DLGAP4: variants seen among roughly 807,000 people sequenced by gnomAD.
DLGAP4 encodes disks large-associated protein 4.
Under a neutral mutation model 86.9 loss-of-function variants are expected in DLGAP4, and 18 were observed. The observed-to-expected ratio is 0.21, with a 90% CI of 0.14 to 0.31. DLGAP4 has a LOEUF of 0.31. Among genes scored for constraint, DLGAP4 ranks in the 10% least tolerant of loss-of-function variants. The pLI is 1.00. For missense variants in DLGAP4, 1,085 were observed against 1,362.6 expected, an observed-to-expected ratio of 0.80 and a Z score of 3.21; for synonymous variants, 548 against 574.3, an observed-to-expected ratio of 0.95 and a Z score of 0.65.
chr20:36,422,229 A>T (rs1262446847), intron 2 of DLGAP4, among the ~76,000 whole-genome samples: 1 of 152,134 alleles, frequency 6.6e-6, no homozygotes. Flanking sequence ...ATGGACTGCT[A>T]TGTACACCCC....
intron 2 of DLGAP4, among the ~76,000 whole-genome samples, chr20:36,408,711 G>A (rs1451958185): frequency 6.6e-6 from 1 of 152,158 alleles, no homozygotes; most frequent in Non-Finnish European, 1.5e-5. Context: ...AAAACTTTGA[G>A]GACTCCCAGG....
At chr20:36,420,876 G>C (rs1342464968) in intron 2 of DLGAP4, among the ~76,000 whole-genome samples, 1 of 152,140 alleles carries the variant, frequency 6.6e-6, no homozygotes, top group Non-Finnish European at 1.5e-5. Context: ...TGGAGGCTGA[G>C]GCAGGAGAAT....
chr20:36,517,325 C>T (rs73618591), intron 10 of DLGAP4, among the ~76,000 whole-genome samples: 4,301 of 152,214 alleles, frequency 0.028, 78 homozygotes, highest in South Asian at 0.057. Flanking sequence ...TTGCAGTGAG[C>T]TGAGATTGCG....
chr20:36,367,588 A>G (rs1040821410), intron 2 of DLGAP4, among the ~76,000 whole-genome samples: 1 of 152,182 alleles, frequency 6.6e-6, no homozygotes, highest in Non-Finnish European at 1.5e-5. Context: ...GCCACACCCA[A>G]GCAGGCGGGG....
chr20:36,500,237 A>G lies in DLGAP4; in HGVS notation c.2138A>G (p.Asp713Gly). 4 of 1,581,906 alleles carry G rather than the reference A, an allele frequency of 2.5e-6. No individual in the cohort carries two copies. The highest frequency in any genetic ancestry group is 3.4e-6 in the Non-Finnish European group (4 of 1,165,258). The change falls in exon 10 of 13, where the codon GAC becomes GGC. Residue 713 changes from aspartate to glycine, a missense_variant. Around this residue, in one of 2 missense-constraint regions of DLGAP4, gnomAD observed 1,082 missense variants for 1,344.1 expected, o/e 0.81. Transcript: ENST00000339266. The surrounding 1 kb of genome is among the most constrained non-coding windows in gnomAD (Gnocchi z 4.6). ...TCTCACAGTATGTCCTCCCGACGGGACACAGACTCGGATACCCAGGATGCC... is the reference window on the plus strand; with the variant it reads ...TCTCACAGTATGTCCTCCCGACGGGGCACAGACTCGGATACCCAGGATGCC... ...VPSHSMSSRR[D>G]TDSDTQDAND... is the part of the protein sequence containing the mutation.
intron 2 of DLGAP4, among the ~76,000 whole-genome samples, chr20:36,405,061 G>A (rs1484005490): frequency 6.6e-6 from 1 of 152,244 alleles, no homozygotes; most frequent in Non-Finnish European, 1.5e-5. Context: ...AGGAGGGAGT[G>A]TGTCCTGGGA....
At chr20:36,362,613 A>G (rs2030557322) in intron 1 of DLGAP4, among the ~76,000 whole-genome samples, 1 of 152,218 alleles carries the variant, frequency 6.6e-6, no homozygotes. Flanking sequence ...TATTGAAAAT[A>G]TTTGTTCAAT....
chr20:36,489,713 G>C (rs530291968), intron 7 of DLGAP4, among the ~76,000 whole-genome samples: 1 of 152,240 alleles, frequency 6.6e-6, no homozygotes, highest in East Asian at 1.9e-4. Context: ...CCAGATCACG[G>C]GGAGAAGGTA....
At chr20:36,357,514 C>A (rs1395107062) in intron 1 of DLGAP4, among the ~76,000 whole-genome samples, 1 of 152,190 alleles carries the variant, frequency 6.6e-6, no homozygotes, top group African/African-American at 2.4e-5. Context: ...AAGGTTTGAA[C>A]AAGGCAGGGA....
intron 7 of DLGAP4, among the ~76,000 whole-genome samples, chr20:36,467,052 CTCTCTCTCT>C (rs2034430821): frequency 1.7e-4 from 23 of 134,358 alleles, no homozygotes; most frequent in African/African-American, 5.7e-4. Context: ...CTCTCTCTCT[CTCTCTCTCT>C]CTCCCCCCCC....
chr20:36,332,865 G>A (rs1659741974), intron 1 of DLGAP4, among the ~76,000 whole-genome samples: 1 of 152,044 alleles, frequency 6.6e-6, no homozygotes, highest in African/African-American at 2.4e-5. Flanking sequence ...TCCAAGGTAA[G>A]GCAGCTTGTT....
intron 7 of DLGAP4, among the ~76,000 whole-genome samples, chr20:36,487,108 C>G (rs774012365): frequency 4.6e-5 from 7 of 152,234 alleles, no homozygotes; most frequent in Non-Finnish European, 8.8e-5. Flanking sequence ...AGAGGTGAGG[C>G]TCTGCAGATG....
chr20:36,390,206 T>C (rs2147463032), intron 2 of DLGAP4, among the ~76,000 whole-genome samples: 1 of 152,270 alleles, frequency 6.6e-6, no homozygotes, highest in East Asian at 1.9e-4. Flanking sequence ...GAGATGACAA[T>C]GGAGGTCCTG....
At chr20:36,448,725 G>A (rs1186441329) in intron 7 of DLGAP4, among the ~76,000 whole-genome samples, 1 of 152,210 alleles carries the variant, frequency 6.6e-6, no homozygotes, top group African/African-American at 2.4e-5. Context: ...CTTGAGGTCA[G>A]GAGTTCGAGA....
intron 1 of DLGAP4, among the ~76,000 whole-genome samples, chr20:36,352,906 G>T (rs557310403): frequency 3.3e-5 from 5 of 152,110 alleles, no homozygotes; most frequent in Non-Finnish European, 5.9e-5. Flanking sequence ...ATAAAGAACG[G>T]GACTCTTGCT....
chr20:36,520,244 G>T lies in DLGAP4; in HGVS notation c.2513-4006G>T, dbSNP rs1004046987. 2.0e-5 allele frequency among the ~76,000 whole-genome samples: 3 copies of T among 152,244 alleles called. No homozygotes were observed. The East Asian group carries it at 5.8e-4, about 29-fold the overall frequency. On this transcript the variant is annotated intron_variant, in intron 10 of 12. Transcript: ENST00000339266. ...GGGTTTATCTTTTTGTTGTTCAGTT[G>T]TAGGGAATTCTTATATATATATATT...
intron 2 of DLGAP4, among the ~76,000 whole-genome samples, chr20:36,420,681 C>T (rs767061918): frequency 4.0e-5 from 6 of 151,870 alleles, no homozygotes; most frequent in Non-Finnish European, 8.8e-5. Flanking sequence ...CTATAAAAAA[C>T]ACAAAAATTA....
chr20:36,353,988 C>T (rs1245970954), intron 1 of DLGAP4, among the ~76,000 whole-genome samples: 3 of 152,198 alleles, frequency 2.0e-5, no homozygotes, highest in Admixed American at 6.5e-5. Context: ...CTCCCTCGAG[C>T]GCCTGCTGTT....
chr20:36,481,020 T>G (rs2035162209), intron 7 of DLGAP4, among the ~76,000 whole-genome samples: 1 of 152,110 alleles, frequency 6.6e-6, no homozygotes, highest in Non-Finnish European at 1.5e-5. Context: ...AATGTTGAAC[T>G]ATGAATGTCA....
Sources: gnomAD v4.1 joint callset for allele counts (sites outside exome capture counted in the v4.1 genomes callset) on GRCh38, gnomAD v4.1.1 for gene constraint, gnomAD v4.1.1 regional missense constraint, Gnocchi (gnomAD v3.1) non-coding constraint, MANE v1.5 for transcripts, NCBI Gene and HGNC (gene_info 2026-07-23, HGNC 2026-07-21) for gene names.